Variants in SPOCK1 observed in about 807,000 individuals in gnomAD.
SPOCK1 encodes SPARC (osteonectin), cwcv and kazal like domains proteoglycan 1, also known as testican-1.
Under a neutral mutation model 55.3 loss-of-function variants are expected in SPOCK1, and 23 were observed. The ratio of observed to expected loss-of-function variants is 0.42; its 90% CI spans 0.30 to 0.59. The LOEUF is 0.59. Ranked by LOEUF, SPOCK1 falls within the 20% of genes least tolerant of loss-of-function variation. The pLI is 0.22. For missense variants in SPOCK1, 499 were observed against 552.5 expected, an observed-to-expected ratio of 0.90 and a Z score of 0.97; for synonymous variants, 226 against 221.0, an observed-to-expected ratio of 1.02 and a Z score of -0.20.
At chr5:137,358,414 G>GAAGA (rs1750864380) in intron 2 of SPOCK1, among the ~76,000 whole-genome samples, 1 of 131,832 alleles carries the variant, frequency 7.6e-6, no homozygotes, top group African/African-American at 2.8e-5. Flanking sequence ...AGGAAGGAAG[G>GAAGA]AAGGAAGGAG....
intron 8 of SPOCK1, among the ~76,000 whole-genome samples, chr5:136,985,580 A>C (rs1163791668): frequency 5.9e-5 from 9 of 152,178 alleles, no homozygotes; most frequent in Non-Finnish European, 1.3e-4. Context: ...CGAACTAACC[A>C]GAGGTGACAA....
At chr5:137,485,861 CA>C (rs1293250260) in intron 2 of SPOCK1, among the ~76,000 whole-genome samples, 1 of 152,138 alleles carries the variant, frequency 6.6e-6, no homozygotes, top group Non-Finnish European at 1.5e-5. Flanking sequence ...CAGTGACTGC[CA>C]GGGGCATGAG....
At chr5:137,198,556 G>A (rs1178573902) in intron 3 of SPOCK1, among the ~76,000 whole-genome samples, 2 of 152,164 alleles carry the variant, frequency 1.3e-5, no homozygotes, top group Non-Finnish European at 2.9e-5. Context: ...TGCTAATGAA[G>A]TTAAACTTTT....
intron 3 of SPOCK1, among the ~76,000 whole-genome samples, chr5:137,223,635 A>G (rs1249474204): frequency 6.6e-6 from 1 of 152,208 alleles, no homozygotes; most frequent in Non-Finnish European, 1.5e-5. Context: ...AATGAGATGA[A>G]ATTATTCTCA....
intron 2 of SPOCK1, among the ~76,000 whole-genome samples, chr5:137,313,755 T>C (rs1228761238): frequency 6.6e-6 from 1 of 150,376 alleles, no homozygotes; most frequent in African/African-American, 2.4e-5. Flanking sequence ...CCAAGGGCAT[T>C]TACAAAAGGG....
rs76794027 is a variant in SPOCK1 at position 137,171,958 on chromosome 5, C to T, written c.233-31264G>A. On this transcript the variant is annotated intron_variant, in intron 3 of 10. Transcript: ENST00000394945. ...GCTCCTGTCCTGTTCATCTTACATA[C>T]GAAACCACCATGAACAATTTGCCTC... Among the ~76,000 whole-genome samples the T allele has an allele frequency of 3.5e-3, 534 of 152,316 alleles. 9 individuals carry two copies. Among genetic ancestry groups the T allele is most frequent in the East Asian group, 0.034 (176 of 5,182 alleles).
At chr5:137,451,359 C>A (rs955542496) in intron 2 of SPOCK1, among the ~76,000 whole-genome samples, 1 of 152,212 alleles carries the variant, frequency 6.6e-6, no homozygotes, top group Non-Finnish European at 1.5e-5. Flanking sequence ...TTGCCCCAAG[C>A]TCACGTTTCA....
chr5:137,275,526 C>T (rs1265062766), intron 2 of SPOCK1, among the ~76,000 whole-genome samples: 2 of 152,160 alleles, frequency 1.3e-5, no homozygotes, highest in East Asian at 3.9e-4. Context: ...TGGAGTGTAG[C>T]CTCCACACTG....
intron 2 of SPOCK1, among the ~76,000 whole-genome samples, chr5:137,338,544 T>C (rs893192640): frequency 6.6e-6 from 1 of 152,016 alleles, no homozygotes; most frequent in Admixed American, 6.5e-5. Context: ...AGTAATGGGA[T>C]GGCTGGGTCA....
chr5:137,201,819 C>T (rs1755431657), intron 3 of SPOCK1, among the ~76,000 whole-genome samples: 1 of 152,188 alleles, frequency 6.6e-6, no homozygotes, highest in Non-Finnish European at 1.5e-5. Context: ...TACCAATACT[C>T]TATCAACTCT....
At chr5:137,499,010 G>C (rs923806339) in intron 1 of SPOCK1, among the ~76,000 whole-genome samples, 169 bp downstream of exon 1, 1 of 152,000 alleles carries the variant, frequency 6.6e-6, no homozygotes, top group African/African-American at 2.4e-5. Flanking sequence ...GCAGCTGGGG[G>C]TCCCCGGCGA....
chr5:137,112,895 C>T (rs1028195485), intron 4 of SPOCK1, among the ~76,000 whole-genome samples: 1 of 151,758 alleles, frequency 6.6e-6, no homozygotes, highest in African/African-American at 2.4e-5. Flanking sequence ...GCCCCAATAC[C>T]GTATGTGGCA....
At chr5:137,443,902 G>T (rs4976354) in intron 2 of SPOCK1, among the ~76,000 whole-genome samples, 33,936 of 151,972 alleles carry the variant, frequency 0.22, 4,020 homozygotes, top group Admixed American at 0.33. Flanking sequence ...AAATCCTTCA[G>T]TAGGTCCCAT....
chr5:137,010,155 A>G (rs1034328378), intron 6 of SPOCK1, among the ~76,000 whole-genome samples: 6 of 152,202 alleles, frequency 3.9e-5, no homozygotes, highest in Non-Finnish European at 8.8e-5. Context: ...GGTCAGATGC[A>G]GTAAGAATTC....
Position 137,282,294 on chromosome 5 carries a change from T to C in SPOCK1, c.187-15239A>G, listed in dbSNP as rs546127333. ...ATTTTTAAAAATCAAATCTGGGTGA[T>C]AGCTGCATTGGAAAAGCGGCAGCCG... On this transcript the variant is annotated intron_variant, in intron 2 of 10. Coordinates refer to ENST00000394945, the MANE Select transcript of SPOCK1 (RefSeq NM_004598.4). Among the ~76,000 whole-genome samples the C allele has an allele frequency of 7.9e-5, 12 of 152,362 alleles. No individual in the cohort carries two copies. In the East Asian group the frequency reaches 1.3e-3, roughly 17 times the overall value.
At chr5:137,479,436 A>G (rs1356488856) in intron 2 of SPOCK1, among the ~76,000 whole-genome samples, 2 of 152,036 alleles carry the variant, frequency 1.3e-5, no homozygotes, top group Non-Finnish European at 2.9e-5. Flanking sequence ...AGATCCCCAG[A>G]AGGGGATGCC....
chr5:137,116,717 T>G (rs989730692), intron 4 of SPOCK1, among the ~76,000 whole-genome samples: 1 of 151,912 alleles, frequency 6.6e-6, no homozygotes, highest in Non-Finnish European at 1.5e-5. Flanking sequence ...AGAATTAAAC[T>G]GTCCCAGCCT....
intron 2 of SPOCK1, among the ~76,000 whole-genome samples, chr5:137,333,423 G>C (rs113263459): frequency 6.6e-6 from 1 of 152,184 alleles, no homozygotes; most frequent in Non-Finnish European, 1.5e-5. Flanking sequence ...AAGACCTCCA[G>C]CAGACACTGG....
chr5:137,069,455 C>CA (rs778554551), intron 5 of SPOCK1, among the ~76,000 whole-genome samples: 17 of 151,912 alleles, frequency 1.1e-4, no homozygotes, highest in Non-Finnish European at 2.1e-4. Flanking sequence ...GCTGATGAAG[C>CA]AAAAAAGAGT....
Sources: allele counts gnomAD v4.1 joint callset (sites outside exome capture counted in the v4.1 genomes callset), GRCh38; gene constraint gnomAD v4.1.1; transcripts MANE v1.5; gene names NCBI Gene and HGNC (gene_info 2026-07-23, HGNC 2026-07-21).